The following CTNNA3 variants were observed in gnomAD, a reference collection of about 807,000 sequenced individuals.
CTNNA3 encodes catenin alpha 3.
Under a neutral mutation model 95.7 loss-of-function variants are expected in CTNNA3, and 76 were observed. The ratio of observed to expected loss-of-function variants is 0.79; its 90% confidence interval spans 0.66 to 0.96. CTNNA3 has a LOEUF of 0.96. CTNNA3 is among the 40% of genes least tolerant of loss of function. The pLI, the probability that CTNNA3 is intolerant of heterozygous loss-of-function variation, is 0.00. For missense variants in CTNNA3, 1,191 were observed against 1,089.8 expected (o/e 1.09, Z -1.31); for synonymous variants, 431 against 374.4 (o/e 1.15, Z -1.74).
chr10:66,223,270 T>A (rs1369326662), intron 13 of CTNNA3, among the ~76,000 whole-genome samples: 1 of 151,878 alleles, frequency 6.6e-6, no homozygotes, highest in Non-Finnish European at 1.5e-5. Flanking sequence ...AGAAAGGAAG[T>A]TTAGCATTTT....
At chr10:67,245,990 A>T (rs767036665) in intron 5 of CTNNA3, among the ~76,000 whole-genome samples, 43 of 152,112 alleles carry the variant, frequency 2.8e-4, no homozygotes, top group Non-Finnish European at 5.0e-4. Context: ...ATTCACCTGC[A>T]TATCTTAGGA....
rs1841303367 is a variant in CTNNA3, at chr10:67,736,506, A to T, written c.-2+26928T>A. ...AGTCTCTCTCTGTCACCCAGGCTGG[A>T]GTGCAGTGGCACGTTCTCGGCTGAC... On this transcript the variant is annotated intron_variant, in intron 1 of 17. Coordinates refer to the CTNNA3 transcript ENST00000684154. Among the ~76,000 whole-genome samples the T allele has an allele frequency of 2.2e-5, 3 of 134,932 alleles. 1 individual carries two copies. The South Asian group carries it at 6.8e-4, about 31-fold the overall frequency. The allele number at this position is 134,932 out of a possible 152,430, so 88.5% of individuals were successfully genotyped here. A position where few individuals can be genotyped will look rare whatever the true frequency, so the allele number is the denominator to read the frequency against.
At position 66,656,677 on chromosome 10, in the gene CTNNA3, T is replaced by G. The variant is rs1284694599; in HGVS notation, c.1282-34893A>C. 4.6e-5 allele frequency among the ~76,000 whole-genome samples: 7 copies of G among 152,172 alleles called. No individual in the cohort carries two copies. In the South Asian group the frequency reaches 1.0e-3, roughly 23 times the overall value. On this transcript the variant is annotated intron_variant, in intron 9 of 17. Transcript: ENST00000433211. Reference sequence around the variant, plus strand: ...CATGTTGGCAGATACATGAAGCACTTGGATCCATGTCATGACAATATTTGG... The same window carrying G: ...CATGTTGGCAGATACATGAAGCACTGGGATCCATGTCATGACAATATTTGG...
intron 15 of CTNNA3, among the ~76,000 whole-genome samples, chr10:66,011,433 C>T (rs781197949): frequency 2.4e-4 from 37 of 152,202 alleles, no homozygotes; most frequent in Admixed American, 1.2e-3. Flanking sequence ...GAGGTTTCTG[C>T]TCCTGGGTTT....
intron 7 of CTNNA3, among the ~76,000 whole-genome samples, chr10:66,989,012 T>A (rs1230060877): frequency 1.3e-5 from 2 of 151,212 alleles, no homozygotes; most frequent in South Asian, 4.2e-4. Flanking sequence ...AAAAAAAAAA[T>A]CCCTTTTCTA....
intron 16 of CTNNA3, among the ~76,000 whole-genome samples, chr10:65,971,379 G>GT (rs57963750): frequency 0.42 from 58,274 of 139,930 alleles, 12,249 homozygotes; most frequent in East Asian, 0.51. Context: ...CCAAAGTTGT[G>GT]TTTTTTTTTT....
chr10:67,200,411 C>T (rs1166963383), intron 6 of CTNNA3, among the ~76,000 whole-genome samples: 1 of 152,224 alleles, frequency 6.6e-6, no homozygotes, highest in East Asian at 1.9e-4. Flanking sequence ...TTAATACTCC[C>T]TAAAGAAGGC....
At chr10:65,986,553 A>C (rs963954903) in intron 16 of CTNNA3, among the ~76,000 whole-genome samples, 4 of 151,646 alleles carry the variant, frequency 2.6e-5, no homozygotes, top group African/African-American at 9.7e-5. Flanking sequence ...ATATTGATAA[A>C]AGAAATTGAA....
intron 15 of CTNNA3, among the ~76,000 whole-genome samples, chr10:66,032,221 T>A (rs1040996587): frequency 6.6e-6 from 1 of 152,156 alleles, no homozygotes; most frequent in African/African-American, 2.4e-5. Flanking sequence ...AAAAAAATTA[T>A]TTGAAAAGTA....
chr10:66,928,007 G>A (rs1847168609), intron 7 of CTNNA3: 2 of 1,614,212 alleles, frequency 1.2e-6, no homozygotes, highest in Non-Finnish European at 1.7e-6. Flanking sequence ...TGTGGCAAAA[G>A]TACTACAGAG....
At chr10:67,648,783 A>G (rs1589532131) in intron 1 of CTNNA3, 1 of 1,289,642 alleles carries the variant, frequency 7.8e-7, no homozygotes, top group Non-Finnish European at 1.0e-6. Flanking sequence ...TCCTTCTAAA[A>G]GTAGAAACAT....
intron 11 of CTNNA3, among the ~76,000 whole-genome samples, chr10:66,445,722 G>A (rs1340647013): frequency 6.6e-6 from 1 of 151,752 alleles, no homozygotes; most frequent in East Asian, 1.9e-4. Context: ...AAGAAAGCAG[G>A]AAAGATCCAA....
intron 11 of CTNNA3, among the ~76,000 whole-genome samples, chr10:66,411,830 G>C (rs79274992): frequency 0.036 from 5,541 of 152,206 alleles, 350 homozygotes; most frequent in East Asian, 0.23. Flanking sequence ...TATATGCAGA[G>C]TTCCTCCAGG....
At chr10:66,774,945 GA>G (rs1054981363) in intron 8 of CTNNA3, among the ~76,000 whole-genome samples, 8 of 151,962 alleles carry the variant, frequency 5.3e-5, no homozygotes, top group Admixed American at 2.6e-4. Flanking sequence ...GAAGTATCAT[GA>G]AAAAAAATGG....
intron 1 of CTNNA3, among the ~76,000 whole-genome samples, chr10:67,712,347 G>A (rs1431691960): frequency 1.3e-5 from 2 of 152,188 alleles, no homozygotes; most frequent in African/African-American, 4.8e-5. Context: ...AAATAATGAG[G>A]AGCCAAGTGT....
At chr10:66,958,579 A>C (rs2132760396) in intron 7 of CTNNA3, among the ~76,000 whole-genome samples, 1 of 152,290 alleles carries the variant, frequency 6.6e-6, no homozygotes, top group Middle Eastern at 3.4e-3. Flanking sequence ...TAAGTAAGTA[A>C]GCGAATCCTG....
At chr10:66,645,530 G>A (rs945396535) in intron 9 of CTNNA3, among the ~76,000 whole-genome samples, 1 of 152,078 alleles carries the variant, frequency 6.6e-6, no homozygotes, top group Non-Finnish European at 1.5e-5. Flanking sequence ...ACAGATTTTT[G>A]TGTGGGGATA....
chr10:67,203,267 C>G (rs1317549536), intron 6 of CTNNA3, among the ~76,000 whole-genome samples: 1 of 152,144 alleles, frequency 6.6e-6, no homozygotes, highest in Admixed American at 6.5e-5. Flanking sequence ...ATAAGTCTCA[C>G]GAGATCTGAT....
chr10:66,737,870 G>A (rs1194759718), intron 9 of CTNNA3, among the ~76,000 whole-genome samples: 1 of 152,110 alleles, frequency 6.6e-6, no homozygotes, highest in Non-Finnish European at 1.5e-5. Flanking sequence ...TGTTGGCCAG[G>A]ATAGTCTCGA....
Sources: allele counts gnomAD v4.1 joint callset (sites outside exome capture counted in the v4.1 genomes callset), GRCh38; gene constraint gnomAD v4.1.1; transcripts MANE v1.5; gene names NCBI Gene and HGNC (gene_info 2026-07-23, HGNC 2026-07-21).